The following GUCY1A1 variants were observed in gnomAD, a reference collection of about 807,000 sequenced individuals.
The protein encoded by GUCY1A1 is guanylate cyclase soluble subunit alpha-1.
In GUCY1A1, 48 loss-of-function variants were observed where a neutral mutation model predicts 64.5. The observed-to-expected ratio is 0.74, with a 90% CI of 0.59 to 0.95. The LOEUF (loss-of-function observed/expected upper bound fraction) is 0.95, where lower values mean the gene tolerates loss of function less well. Ranked by LOEUF, GUCY1A1 falls within the 40% of genes least tolerant of loss-of-function variation. The pLI, the probability that GUCY1A1 is intolerant of heterozygous loss-of-function variation, is 0.00. For synonymous variants in GUCY1A1, 308 were observed against 303.4 expected, an observed-to-expected ratio of 1.02 and a Z score of -0.16; for missense variants, 804 against 825.3, an observed-to-expected ratio of 0.97 and a Z score of 0.32.
At chr4:155,701,041 A>T (rs532340319) in intron 3 of GUCY1A1, among the ~76,000 whole-genome samples, 1 of 152,260 alleles carries the variant, frequency 6.6e-6, no homozygotes, top group South Asian at 2.1e-4. Context: ...TTATAATTTT[A>T]TTGTGGACTC....
intron 2 of GUCY1A1, among the ~76,000 whole-genome samples, chr4:155,678,910 G>A (rs1735311739): frequency 6.6e-6 from 1 of 152,012 alleles, no homozygotes; most frequent in South Asian, 2.1e-4. Context: ...TAATAATATT[G>A]AGCATATGAA....
chr4:155,710,643 A>C lies in GUCY1A1; in HGVS notation c.478A>C (p.Lys160Gln). ...NILGVVGGTL[K>Q]DFLNSFSTLL... ...CCTTGGGGTGGTTGGAGGCACCCTT[A>C]AAGATTTTTTAAACAGCTTCAGTAC... The change falls in exon 6 of 10, where the codon AAA (lysine) becomes CAA (glutamine). Residue 160 changes from lysine to glutamine, a missense_variant. Transcript: ENST00000506455. 6.2e-7 allele frequency: 1 copy of C among 1,613,830 alleles called. No homozygotes were observed. The highest frequency in any genetic ancestry group is 8.5e-7 in the Non-Finnish European group (1 of 1,179,734).
chr4:155,683,467 T>TA (rs1378458294), intron 2 of GUCY1A1, among the ~76,000 whole-genome samples: 1 of 152,178 alleles, frequency 6.6e-6, no homozygotes, highest in East Asian at 1.9e-4. Flanking sequence ...CAGCAGAAAA[T>TA]AATTATTGGC....
At chr4:155,669,970 A>G (rs1321338656) in intron 2 of GUCY1A1, among the ~76,000 whole-genome samples, 1 of 152,196 alleles carries the variant, frequency 6.6e-6, no homozygotes, top group African/African-American at 2.4e-5. Context: ...ACATCAAATT[A>G]GCCATCAGAA....
chr4:155,670,352 C>A (rs192236079), intron 2 of GUCY1A1, among the ~76,000 whole-genome samples: 253 of 152,306 alleles, frequency 1.7e-3, no homozygotes, highest in Non-Finnish European at 1.4e-3. Flanking sequence ...TACATCTTGA[C>A]TTGATATAAG....
chr4:155,672,208 C>G (rs1393969831), intron 2 of GUCY1A1, among the ~76,000 whole-genome samples: 1 of 152,100 alleles, frequency 6.6e-6, no homozygotes, highest in African/African-American at 2.4e-5. Context: ...TCAAGGTCAT[C>G]TTGGATTCTG....
rs916648410 is a variant in GUCY1A1 at position 155,735,779 on chromosome 4, A to T, written c.*5548A>T. The T allele has an allele frequency of 6.6e-6, 1 of 151,990 alleles. No individual in the cohort carries two copies. The highest frequency in any genetic ancestry group is 6.6e-5 in the Admixed American group (1 of 15,214). The allele number at this position is 151,990 out of a possible 1,614,324, so 9.4% of individuals were successfully genotyped here. A position where few individuals can be genotyped will look rare whatever the true frequency, so the allele number is the denominator to read the frequency against. On this transcript the variant is annotated 3_prime_UTR_variant, in exon 10 of 10. Coordinates refer to ENST00000506455, the MANE Select transcript of GUCY1A1 (RefSeq NM_001130682.3). ...ACAAAAATGCTATTACAGAAGTTGGACAGCCCAATGTGTTAAGTATTATAC... is the reference window on the plus strand; with the variant it reads ...ACAAAAATGCTATTACAGAAGTTGGTCAGCCCAATGTGTTAAGTATTATAC...
intron 2 of GUCY1A1, among the ~76,000 whole-genome samples, chr4:155,688,564 CT>C (rs1194836608): frequency 6.6e-6 from 1 of 152,134 alleles, no homozygotes; most frequent in African/African-American, 2.4e-5. Context: ...AAAATGTGAT[CT>C]TGTTGAGTGT....
rs889360319 is a variant in GUCY1A1 at position 155,731,710 on chromosome 4, C to T, written c.*1479C>T. 6.6e-6 allele frequency: 1 copy of T among 151,812 alleles called. No homozygotes were observed. The highest frequency in any genetic ancestry group is 2.4e-5 in the African/African-American group (1 of 41,426). 9.4% of individuals were successfully genotyped at this position (151,812 alleles called of 1,614,324 possible). On this transcript the variant is annotated 3_prime_UTR_variant, in exon 10 of 10. Coordinates refer to ENST00000506455, the MANE Select transcript of GUCY1A1 (RefSeq NM_001130682.3). ...CAATATTAGCAGAGCCATAGATAGG[C>T]TGAGCTCTTATTTGGGGTTCTGAGA...
chr4:155,673,971 T>C (rs1734511468), intron 2 of GUCY1A1, among the ~76,000 whole-genome samples: 1 of 151,588 alleles, frequency 6.6e-6, no homozygotes, highest in Non-Finnish European at 1.5e-5. Context: ...ATACTGATAC[T>C]TGTGGAGAGA....
intron 2 of GUCY1A1, among the ~76,000 whole-genome samples, chr4:155,673,934 ATAATT>A (rs1339566585): frequency 1.3e-5 from 2 of 151,516 alleles, no homozygotes; most frequent in Non-Finnish European, 2.9e-5. Flanking sequence ...TATGATATGA[ATAATT>A]ACTTGCTGAA....
At chr4:155,692,595 G>T (rs944293172) in intron 2 of GUCY1A1, among the ~76,000 whole-genome samples, 6 of 152,166 alleles carry the variant, frequency 3.9e-5, no homozygotes, top group Non-Finnish European at 8.8e-5. Context: ...TCACATGTAT[G>T]CCTTCTTTTG....
chr4:155,705,760 G>T (rs1321013035), intron 4 of GUCY1A1, among the ~76,000 whole-genome samples: 1 of 152,184 alleles, frequency 6.6e-6, no homozygotes, highest in Non-Finnish European at 1.5e-5. Flanking sequence ...ATATGTGCTT[G>T]ATTTTCCTTG....
In GUCY1A1 at chr4:155,707,603, G is replaced by C. The variant is rs139368919; in HGVS notation, c.318-633G>C. 8.0e-3 allele frequency among the ~76,000 whole-genome samples: 1,124 copies of C among 140,506 alleles called. 16 individuals are homozygous for C. Among genetic ancestry groups the C allele is most frequent in the Non-Finnish European group, 0.012 (750 of 63,492 alleles). The allele number at this position is 140,506 out of a possible 152,430, so 92.2% of individuals were successfully genotyped here. A position where few individuals can be genotyped will look rare whatever the true frequency, so the allele number is the denominator to read the frequency against. ...TTACAGCTTTTGCACCGATATAAAG[G>C]TAAAAAAAAAAAAAATCCTAAGTCT... On this transcript the variant is annotated intron_variant, in intron 4 of 9. Transcript: ENST00000506455.
intron 9 of GUCY1A1, among the ~76,000 whole-genome samples, chr4:155,724,847 A>G (rs1210465692): frequency 6.6e-6 from 1 of 152,104 alleles, no homozygotes; most frequent in Non-Finnish European, 1.5e-5. Flanking sequence ...CACTTGGATG[A>G]CTAATTCACA....
intron 2 of GUCY1A1, among the ~76,000 whole-genome samples, chr4:155,691,383 A>C (rs373664463): frequency 9.1e-4 from 138 of 152,336 alleles, no homozygotes; most frequent in African/African-American, 3.2e-3. Flanking sequence ...AACATTTCCT[A>C]CTACAAAGTG....
chr4:155,723,394 A>C (rs1364587656), intron 9 of GUCY1A1, among the ~76,000 whole-genome samples: 1 of 152,160 alleles, frequency 6.6e-6, no homozygotes, highest in African/African-American at 2.4e-5. Context: ...ATACAGCCTG[A>C]GTCAATAAAA....
chr4:155,719,559 G>A (rs1733697654), intron 8 of GUCY1A1, among the ~76,000 whole-genome samples: 1 of 152,150 alleles, frequency 6.6e-6, no homozygotes, highest in Non-Finnish European at 1.5e-5. Flanking sequence ...TAGAATTGAA[G>A]TGAAAGAATA....
intron 2 of GUCY1A1, among the ~76,000 whole-genome samples, chr4:155,695,135 C>A (rs147226877): frequency 1.1e-4 from 16 of 152,308 alleles, no homozygotes; most frequent in South Asian, 4.1e-4. Context: ...GCCTTGGCAG[C>A]TTCTTCTGGC....
Sources: gnomAD v4.1 joint callset for allele counts (sites outside exome capture counted in the v4.1 genomes callset) on GRCh38, gnomAD v4.1.1 for gene constraint, MANE v1.5 for transcripts, NCBI Gene and HGNC (gene_info 2026-07-23, HGNC 2026-07-21) for gene names.